TBCE: variants seen among roughly 807,000 people sequenced by gnomAD.
TBCE encodes the protein tubulin folding cofactor E.
A neutral mutation model predicts 77.0 loss-of-function variants in TBCE; 53 were observed. The ratio of observed to expected loss-of-function variants is 0.69; its 90% CI spans 0.55 to 0.87. TBCE has a LOEUF of 0.87. Ranked by LOEUF, TBCE falls within the 40% of genes least tolerant of loss-of-function variation. The probability of loss-of-function intolerance (pLI) is 0.00; values close to 1 mark genes in which losing one functional copy is unlikely to be tolerated. For missense variants in TBCE, 624 were observed against 622.4 expected (o/e 1.00, Z -0.03); for synonymous variants, 235 against 241.3 (o/e 0.97, Z 0.24).
chr1:235,434,324 C>A (rs758716740), intron 8 of TBCE, 44 bp downstream of exon 8: 3 of 1,482,770 alleles, frequency 2.0e-6, no homozygotes, highest in East Asian at 2.3e-5. Context: ...ATTTAATCAT[C>A]ATTCTGAGTA....
chr1:235,438,981 T>C (rs1291798815), intron 13 of TBCE, 59 bp downstream of exon 13: 1 of 1,611,810 alleles, frequency 6.2e-7, no homozygotes, highest in African/African-American at 1.3e-5. Context: ...AACAAAGTTT[T>C]TTCTTGGGTA....
chr1:235,430,878 T>A, intron 7 of TBCE, 74 bp downstream of exon 7: 1 of 1,175,370 alleles, frequency 8.5e-7, no homozygotes, highest in Non-Finnish European at 1.3e-6. Context: ...GAATTGTTAG[T>A]ACAGTTTAAT....
intron 3 of TBCE, among the ~76,000 whole-genome samples, chr1:235,406,967 T>C (rs1679473132): frequency 6.6e-6 from 1 of 151,586 alleles, no homozygotes; most frequent in African/African-American, 2.4e-5. Flanking sequence ...TTTGAGTAGC[T>C]GGTATTATAG....
At chr1:235,431,535 A>G (rs1212649672) in intron 7 of TBCE, among the ~76,000 whole-genome samples, 3 of 151,264 alleles carry the variant, frequency 2.0e-5, no homozygotes, top group African/African-American at 7.3e-5. Context: ...CTAATTTTGC[A>G]TTTTTAGTAG....
At chr1:235,420,783 G>A (rs1042517359) in intron 5 of TBCE, among the ~76,000 whole-genome samples, 1 of 151,950 alleles carries the variant, frequency 6.6e-6, no homozygotes, top group African/African-American at 2.4e-5. Context: ...GCCTGGCCTC[G>A]TCTGGCTAAT....
At chr1:235,446,833 C>T (rs79166601) in intron 15 of TBCE, among the ~76,000 whole-genome samples, 120 of 151,892 alleles carry the variant, frequency 7.9e-4, no homozygotes, top group African/African-American at 2.8e-3. Context: ...TAGAGGCGTA[C>T]ATCGCTATGC....
chr1:235,436,630 C>A, intron 11 of TBCE, 22 bp downstream of exon 11: 1 of 1,601,786 alleles, frequency 6.2e-7, no homozygotes, highest in Non-Finnish European at 8.6e-7. Context: ...TCGGAGTATG[C>A]CCAGCACACT....
At chr1:235,448,465 G>GTCAAAGTCAAGCTTAGTCCTCGTAT (rs771799309) in intron 16 of TBCE, 25 bp downstream of exon 16, 6 of 1,606,266 alleles carry the variant, frequency 3.7e-6, no homozygotes, top group Non-Finnish European at 5.1e-6. Flanking sequence ...AAAATACAAA[G>GTCAAAGTCAAGCTTAGTCCTCGTAT]TCAAAGTCAA....
intron 15 of TBCE, among the ~76,000 whole-genome samples, chr1:235,444,942 G>A (rs962150671): frequency 3.3e-5 from 5 of 152,242 alleles, no homozygotes; most frequent in African/African-American, 1.2e-4. Context: ...CCCTTGGCTG[G>A]GGGTGACAGT....
At chr1:235,403,250 A>G (rs1472797521) in intron 3 of TBCE, among the ~76,000 whole-genome samples, 1 of 152,122 alleles carries the variant, frequency 6.6e-6, no homozygotes, top group African/African-American at 2.4e-5. Context: ...TCTGTGGCCA[A>G]GGCTGGAGTG....
intron 3 of TBCE, among the ~76,000 whole-genome samples, chr1:235,407,293 C>T (rs1481764915): frequency 6.6e-6 from 1 of 150,614 alleles, no homozygotes; most frequent in Non-Finnish European, 1.5e-5. Context: ...CCTATTTTGC[C>T]CTGGCTGGTC....
intron 2 of TBCE, among the ~76,000 whole-genome samples, chr1:235,394,418 CTTTTTTTTTTTT>C (rs386370043): frequency 2.5e-4 from 18 of 72,314 alleles, no homozygotes; most frequent in African/African-American, 8.2e-4. Flanking sequence ...TTGATAATTT[CTTTTTTTTTTTT>C]TTTTTTTTTT....
intron 1 of TBCE, among the ~76,000 whole-genome samples, chr1:235,372,536 C>T (rs1286060078): frequency 6.6e-6 from 1 of 152,044 alleles, no homozygotes; most frequent in African/African-American, 2.4e-5. Context: ...AATCCTAGCA[C>T]TTTGGAAGGC....
Position 235,434,008 on chromosome 1 carries a change from T to G in TBCE, c.661-196T>G, listed in dbSNP as rs574560233. The G allele has an allele frequency of 1.5e-5, 9 of 620,544 alleles. No homozygotes were observed. In the African/African-American group the frequency reaches 1.6e-4, roughly 11 times the overall value. The allele number at this position is 620,544 out of a possible 1,614,324, so 38.4% of individuals were successfully genotyped here. On this transcript the variant is annotated intron_variant, in intron 7 of 16. Coordinates refer to ENST00000642610, the MANE Select transcript of TBCE (RefSeq NM_003193.5). Reference sequence around the variant, plus strand: ...CCCACAGTGTGTGCTCCCACAGCATTAAAATGCACCCCCTTAACATTTTAT... The same window carrying G: ...CCCACAGTGTGTGCTCCCACAGCATGAAAATGCACCCCCTTAACATTTTAT...
Position 235,448,814 on chromosome 1 carries a change from A to G in TBCE, c.*52A>G. 7.7e-7 allele frequency: 1 copy of G among 1,303,186 alleles called. No homozygotes were observed. Among genetic ancestry groups the G allele is most frequent in the Non-Finnish European group, 1.1e-6 (1 of 901,898 alleles). 80.7% of individuals were successfully genotyped at this position (1,303,186 alleles called of 1,614,324 possible). On this transcript the variant is annotated 3_prime_UTR_variant, in exon 17 of 17. Coordinates refer to ENST00000642610, the MANE Select transcript of TBCE (RefSeq NM_003193.5). ...ACACTGCTTATCGTGTCTGGGGTTC[A>G]CCGGAAATAAATGATTCACTGGAAC...
chr1:235,410,241 T>C (rs547432130), intron 3 of TBCE, among the ~76,000 whole-genome samples: 38 of 152,070 alleles, frequency 2.5e-4, no homozygotes, highest in East Asian at 9.7e-4. Context: ...AGGGAGACTC[T>C]ATCTCCAAAA....
chr1:235,391,141 T>A (rs958971061), intron 2 of TBCE, among the ~76,000 whole-genome samples: 1 of 152,040 alleles, frequency 6.6e-6, no homozygotes, highest in Non-Finnish European at 1.5e-5. Flanking sequence ...ATATGAGTAG[T>A]TTTTATATTA....
chr1:235,428,238 G>A (rs1363765138), intron 6 of TBCE, among the ~76,000 whole-genome samples: 1 of 151,194 alleles, frequency 6.6e-6, no homozygotes, highest in East Asian at 2.0e-4. Context: ...GCAGGAGAAT[G>A]GCATGAACCT....
intron 1 of TBCE, among the ~76,000 whole-genome samples, chr1:235,377,581 G>A (rs1677373187): frequency 6.6e-6 from 1 of 151,886 alleles, no homozygotes; most frequent in Non-Finnish European, 1.5e-5. Context: ...GAAATGCTTA[G>A]ATTATTCTGT....
Sources: gnomAD v4.1 joint callset for allele counts (sites outside exome capture counted in the v4.1 genomes callset) on GRCh38, gnomAD v4.1.1 for gene constraint, MANE v1.5 for transcripts, NCBI Gene and HGNC (gene_info 2026-07-23, HGNC 2026-07-21) for gene names.